PLXNA4: variants seen among roughly 807,000 people sequenced by gnomAD.
PLXNA4 encodes the protein plexin A4.
In PLXNA4, 44 loss-of-function variants were observed where a neutral mutation model predicts 191.8. The ratio of observed to expected loss-of-function variants is 0.23; its 90% CI spans 0.18 to 0.29. The LOEUF (loss-of-function observed/expected upper bound fraction) is 0.29, where lower values mean the gene tolerates loss of function less well. Among genes scored for constraint, PLXNA4 ranks in the 10% least tolerant of loss-of-function variants. PLXNA4 has a pLI of 1.00. For missense variants in PLXNA4, 1,800 were observed against 2,488.8 expected (o/e 0.72, Z 5.89); for synonymous variants, 1,082 against 1,009.5 (o/e 1.07, Z -1.36).
chr7:132,618,318 A>T (rs1035982948), intron 2 of PLXNA4, among the ~76,000 whole-genome samples: 14 of 152,162 alleles, frequency 9.2e-5, no homozygotes, highest in Non-Finnish European at 1.3e-4. Context: ...TTCAGCATTC[A>T]TCACGGTGCT....
intron 9 of PLXNA4, among the ~76,000 whole-genome samples, chr7:132,223,211 T>C (rs897902823): frequency 2.0e-5 from 3 of 152,144 alleles, no homozygotes; most frequent in African/African-American, 7.2e-5. Context: ...TACAATTATT[T>C]CTAGGACACA....
intron 1 of PLXNA4, among the ~76,000 whole-genome samples, chr7:132,562,643 TCTCCTCCTCCTCCTCCTTCTCTTCCTC>T: frequency 2.2e-5 from 1 of 46,244 alleles, no homozygotes; most frequent in Non-Finnish European, 4.1e-5. Context: ...TCCTCCTCTT[TCTCCTCCTCCTCCTCCTTCTCTTCCTC>T]CTCCTCCTCC....
intron 3 of PLXNA4, among the ~76,000 whole-genome samples, chr7:132,410,462 T>A (rs896422174): frequency 6.6e-6 from 1 of 152,182 alleles, no homozygotes; most frequent in Non-Finnish European, 1.5e-5. Context: ...AAGCCTAGCC[T>A]TCCCCCCTCC....
chr7:132,559,176 G>T (rs1406207556), intron 1 of PLXNA4, among the ~76,000 whole-genome samples: 1 of 152,154 alleles, frequency 6.6e-6, no homozygotes, highest in African/African-American at 2.4e-5. Flanking sequence ...GTGCAGCTCC[G>T]TAAATGTATT....
chr7:132,201,592 G>A (rs1256074310), intron 12 of PLXNA4, among the ~76,000 whole-genome samples: 1 of 152,212 alleles, frequency 6.6e-6, no homozygotes, highest in Non-Finnish European at 1.5e-5. Context: ...AGCATCCGCA[G>A]TGGTAAAGAG....
Position 132,377,422 on chromosome 7 carries a change from GAAAAAAA to G in PLXNA4, c.1372-79207_1372-79201del, listed in dbSNP as rs10596289. ...GTCTTCTACAAACTCAAATGAAAAA[GAAAAAAA>G]AAAAAAAAAGAAAACAAAACAAAAC... is the stretch of plus-strand genomic sequence containing the variant. On this transcript the variant is annotated intron_variant, in intron 3 of 31. Coordinates refer to ENST00000321063, the MANE Select transcript of PLXNA4 (RefSeq NM_020911.2). Among the ~76,000 whole-genome samples the G allele has an allele frequency of 2.1e-4, 18 of 86,540 alleles. 1 individual carries two copies. Among genetic ancestry groups the G allele is most frequent in the South Asian group, 1.3e-3 (3 of 2,270 alleles). The allele number at this position is 86,540 out of a possible 152,430, so 56.8% of individuals were successfully genotyped here. A position where few individuals can be genotyped will look rare whatever the true frequency, so the allele number is the denominator to read the frequency against.
chr7:132,463,908 G>C (rs988915395), intron 3 of PLXNA4, among the ~76,000 whole-genome samples: 1 of 152,238 alleles, frequency 6.6e-6, no homozygotes, highest in African/African-American at 2.4e-5. Flanking sequence ...ACTAGCCACA[G>C]AGCAGAGGCC....
intron 3 of PLXNA4, among the ~76,000 whole-genome samples, chr7:132,350,363 G>A (rs182327920): frequency 5.5e-4 from 84 of 152,146 alleles, no homozygotes; most frequent in Non-Finnish European, 9.3e-4. Flanking sequence ...AAAGTTAGCT[G>A]AGCATGGTGG....
Position 132,251,812 on chromosome 7 carries a change from C to G in PLXNA4, c.1504-10646G>C, listed in dbSNP as rs1247363645. 2.0e-5 allele frequency among the ~76,000 whole-genome samples: 3 copies of G among 152,334 alleles called. No individual in the cohort carries two copies. The East Asian group carries it at 5.8e-4, about 29-fold the overall frequency. On this transcript the variant is annotated intron_variant, in intron 4 of 31. Transcript: ENST00000321063. ...ACAGGAGACTGTGTGCAAATAAACA[C>G]ATCTTTCCTCGCAGGCAACCAAGGC...
At chr7:132,159,183 T>C (rs557451542) in intron 25 of PLXNA4, among the ~76,000 whole-genome samples, 4 of 152,228 alleles carry the variant, frequency 2.6e-5, no homozygotes, top group African/African-American at 9.6e-5. Flanking sequence ...ACCCCTCTGC[T>C]ATTCAAAGGA....
intron 4 of PLXNA4, among the ~76,000 whole-genome samples, chr7:132,273,230 C>T (rs937229989): frequency 3.9e-5 from 6 of 151,970 alleles, no homozygotes; most frequent in Non-Finnish European, 8.8e-5. Flanking sequence ...AGCATTGGAA[C>T]CTAATGTTGG....
chr7:132,388,134 TAC>T (rs983388075), intron 3 of PLXNA4, among the ~76,000 whole-genome samples: 2 of 152,142 alleles, frequency 1.3e-5, no homozygotes, highest in African/African-American at 4.8e-5. Flanking sequence ...AAGGAATATG[TAC>T]AGATTCATAA....
chr7:132,609,737 G>T (rs1655333688), intron 2 of PLXNA4, among the ~76,000 whole-genome samples: 1 of 152,254 alleles, frequency 6.6e-6, no homozygotes, highest in African/African-American at 2.4e-5. Flanking sequence ...ACCTCTGGCT[G>T]TCTGACTCCC....
intron 31 of PLXNA4, 93 bp from the exon 32 acceptor site, chr7:132,130,667 G>A: frequency 1.3e-6 from 2 of 1,575,354 alleles, no homozygotes; most frequent in South Asian, 2.3e-5. Context: ...GTGGTCAGAA[G>A]CCCGGGAAGC....
At chr7:132,427,104 A>G (rs1795074208) in intron 3 of PLXNA4, among the ~76,000 whole-genome samples, 1 of 152,212 alleles carries the variant, frequency 6.6e-6, no homozygotes, top group Non-Finnish European at 1.5e-5. Context: ...GGGAGACTTG[A>G]GCAACCTAGC....
At chr7:132,494,181 G>A (rs1435838145) in intron 2 of PLXNA4, among the ~76,000 whole-genome samples, 2 of 152,158 alleles carry the variant, frequency 1.3e-5, no homozygotes, top group African/African-American at 2.4e-5. Flanking sequence ...CTAATGTTGT[G>A]AAGATGAAAT....
intron 11 of PLXNA4, 98 bp downstream of exon 11, chr7:132,203,225 G>T (rs970924364): frequency 2.7e-6 from 3 of 1,093,740 alleles, no homozygotes; most frequent in Admixed American, 1.9e-5. Flanking sequence ...ACTAGGAGGC[G>T]GGGGCAGAAT....
Position 132,566,685 on chromosome 7 carries a change from C to T in PLXNA4, c.-87+9737G>A, listed in dbSNP as rs796720429. On this transcript the variant is annotated intron_variant, in intron 1 of 31. Transcript: ENST00000321063. The stretch of plus-strand genomic sequence containing the variant: ...AACATCCATCTTGATCTGTTATGTG[C>T]AACCAAAAAGTGCCACTTGTGGGAA... Among the ~76,000 whole-genome samples the T allele has an allele frequency of 6.5e-4, 99 of 152,292 alleles. 1 individual carries two copies. Among genetic ancestry groups the T allele is most frequent in the African/African-American group, 2.3e-3 (95 of 41,554 alleles).
chr7:132,585,387 G>A (rs55783121), intron 2 of PLXNA4, among the ~76,000 whole-genome samples: 2,507 of 152,274 alleles, frequency 0.016, 35 homozygotes, highest in Non-Finnish European at 0.026. Context: ...TGTAGGGAGA[G>A]ACAAAGAAAA....
Sources: gnomAD v4.1 joint callset for allele counts (sites outside exome capture counted in the v4.1 genomes callset) on GRCh38, gnomAD v4.1.1 for gene constraint, MANE v1.5 for transcripts, NCBI Gene and HGNC (gene_info 2026-07-23, HGNC 2026-07-21) for gene names.